TENM2: variants seen among roughly 807,000 people sequenced by gnomAD.
The protein encoded by TENM2 is teneurin transmembrane protein 2.
Under a neutral mutation model 245.2 loss-of-function variants are expected in TENM2, and 52 were observed. That is an observed-to-expected ratio of 0.21 (90% CI 0.17 to 0.27). The LOEUF is 0.27. Among genes scored for constraint, TENM2 ranks in the 10% least tolerant of loss-of-function variants. The pLI is 1.00. For synonymous variants in TENM2, 1,363 were observed against 1,438.9 expected (o/e 0.95, Z 1.19); for missense variants, 3,046 against 3,666.8 (o/e 0.83, Z 4.37).
intron 7 of TENM2, among the ~76,000 whole-genome samples, chr5:168,073,603 TG>T (rs1254314343): frequency 1.3e-5 from 2 of 152,226 alleles, no homozygotes; most frequent in African/African-American, 4.8e-5. Context: ...TGTGTTGAGT[TG>T]TTGCATATTT....
the TENM2 span, among the ~76,000 whole-genome samples, chr5:167,092,422 T>C: frequency 1.3e-5 from 2 of 152,188 alleles, no homozygotes; most frequent in Non-Finnish European, 2.9e-5. Flanking sequence ...CTAGGAAAGC[T>C]ATCTGACACC....
At chr5:167,629,903 AAAGAGGAGG>A (rs979892006) in intron 2 of TENM2, among the ~76,000 whole-genome samples, 3 of 151,484 alleles carry the variant, frequency 2.0e-5, no homozygotes, top group Non-Finnish European at 2.9e-5. Context: ...AGGAGGGGGG[AAAGAGGAGG>A]AAGAGGAGGA....
intron 2 of TENM2, among the ~76,000 whole-genome samples, chr5:167,412,223 A>G (rs1030874350): frequency 2.0e-5 from 3 of 152,100 alleles, no homozygotes; most frequent in Non-Finnish European, 4.4e-5. Context: ...AGAAAGAGGA[A>G]CAGGAGCAGC....
chr5:167,637,080 A>G (rs1035066833), intron 2 of TENM2, among the ~76,000 whole-genome samples: 1 of 152,206 alleles, frequency 6.6e-6, no homozygotes, highest in Non-Finnish European at 1.5e-5. Context: ...AAACAAAATC[A>G]TCTATGATTT....
chr5:167,046,898 C>G, the TENM2 span, among the ~76,000 whole-genome samples: 1 of 151,552 alleles, frequency 6.6e-6, no homozygotes, highest in Non-Finnish European at 1.5e-5. Context: ...ATGTTCCCCT[C>G]CCTGTGTCCA....
chr5:167,784,140 G>GAGT (rs1764401842), intron 2 of TENM2, among the ~76,000 whole-genome samples: 1 of 152,200 alleles, frequency 6.6e-6, no homozygotes, highest in African/African-American at 2.4e-5. Context: ...ACAGTTGTAA[G>GAGT]CATGGGTGCT....
intron 6 of TENM2, among the ~76,000 whole-genome samples, chr5:168,054,033 A>C (rs1789331292): frequency 2.0e-5 from 3 of 152,238 alleles, no homozygotes; most frequent in African/African-American, 7.2e-5. Flanking sequence ...AAACTAAACT[A>C]AATATTAATG....
the TENM2 span, among the ~76,000 whole-genome samples, chr5:167,275,859 T>G: frequency 1.3e-5 from 2 of 152,084 alleles, no homozygotes; most frequent in Admixed American, 1.3e-4. Context: ...CTTTCCTTTC[T>G]TGTGTTGTTG....
chr5:167,101,087 A>T, the TENM2 span, among the ~76,000 whole-genome samples: 5 of 152,304 alleles, frequency 3.3e-5, no homozygotes, highest in African/African-American at 7.2e-5. Context: ...CAAAATAGAG[A>T]TGTTCTCTCT....
At chr5:168,174,452 G>A (rs976076209) in intron 13 of TENM2, among the ~76,000 whole-genome samples, 1 of 152,258 alleles carries the variant, frequency 6.6e-6, no homozygotes, top group Non-Finnish European at 1.5e-5. Flanking sequence ...TCAGCACAAC[G>A]GTTCGTATAC....
At chr5:167,824,208 T>C (rs2151055639) in intron 2 of TENM2, among the ~76,000 whole-genome samples, 1 of 152,296 alleles carries the variant, frequency 6.6e-6, no homozygotes, top group Non-Finnish European at 1.5e-5. Context: ...AAGGCCTCTT[T>C]TAATCCCTGC....
At chr5:167,051,735 CT>C in the TENM2 span, among the ~76,000 whole-genome samples, 1 of 152,094 alleles carries the variant, frequency 6.6e-6, no homozygotes, top group African/African-American at 2.4e-5. Flanking sequence ...ATCTTTTTCC[CT>C]TCCCAAAATG....
chr5:167,927,555 C>T (rs1017728611), intron 3 of TENM2, among the ~76,000 whole-genome samples: 3 of 152,178 alleles, frequency 2.0e-5, no homozygotes, highest in Non-Finnish European at 4.4e-5. Context: ...CCAATCCATA[C>T]AGAAGGCTTC....
chr5:167,743,205 G>T (rs1761316680), intron 2 of TENM2, among the ~76,000 whole-genome samples: 1 of 152,118 alleles, frequency 6.6e-6, no homozygotes, highest in Non-Finnish European at 1.5e-5. Context: ...GACTAATAGT[G>T]CCTCAGTGGT....
At chr5:167,870,561 A>ATATC (rs1772720889) in intron 2 of TENM2, among the ~76,000 whole-genome samples, 1 of 142,012 alleles carries the variant, frequency 7.0e-6, no homozygotes, top group African/African-American at 2.7e-5. Context: ...ATACATATAT[A>ATATC]TATATATATG....
At chr5:167,682,933 G>C (rs1756832155) in intron 2 of TENM2, among the ~76,000 whole-genome samples, 1 of 152,150 alleles carries the variant, frequency 6.6e-6, no homozygotes, top group African/African-American at 2.4e-5. Context: ...TATTGGTGAG[G>C]AGACAAATAA....
chr5:167,516,901 A>G (rs189589488), intron 2 of TENM2, among the ~76,000 whole-genome samples: 59 of 152,358 alleles, frequency 3.9e-4, no homozygotes, highest in African/African-American at 1.4e-3. Context: ...TTTAGCATTT[A>G]ATAATGAGCA....
chr5:168,062,562 T>C (rs1790138315), intron 7 of TENM2, among the ~76,000 whole-genome samples: 1 of 152,200 alleles, frequency 6.6e-6, no homozygotes, highest in Non-Finnish European at 1.5e-5. Context: ...CACCATTTTC[T>C]TACAAAAACG....
Position 167,675,123 on chromosome 5 carries a change from A to G in TENM2, c.503-200863A>G, listed in dbSNP as rs539237487. Among the ~76,000 whole-genome samples, 25 of 152,264 alleles carry G rather than the reference A, an allele frequency of 1.6e-4. 1 individual carries two copies. The South Asian group carries it at 5.2e-3, about 31-fold the overall frequency. ...CTCTCCAAAAATATCAAGTAAGCCCAATGCCAATATAATATAATGAGAGTT... is the reference window on the plus strand; with the variant it reads ...CTCTCCAAAAATATCAAGTAAGCCCGATGCCAATATAATATAATGAGAGTT... On this transcript the variant is annotated intron_variant, in intron 2 of 28. Transcript: ENST00000518659.
Sources: allele counts gnomAD v4.1 joint callset (sites outside exome capture counted in the v4.1 genomes callset), GRCh38; gene constraint gnomAD v4.1.1; transcripts MANE v1.5; gene names NCBI Gene and HGNC (gene_info 2026-07-23, HGNC 2026-07-21).